The following KCNIP4 variants were observed in gnomAD, a reference collection of about 807,000 sequenced individuals.
KCNIP4 encodes Kv channel-interacting protein 4.
KCNIP4 carries 12 observed loss-of-function variants against 34.0 expected under a neutral mutation model. The ratio of observed to expected loss-of-function variants is 0.35; its 90% CI spans 0.23 to 0.57. The LOEUF (loss-of-function observed/expected upper bound fraction) is 0.57, where lower values mean the gene tolerates loss of function less well. KCNIP4 is among the 20% of genes least tolerant of loss of function. The pLI, the probability that KCNIP4 is intolerant of heterozygous loss-of-function variation, is 0.83. For synonymous variants in KCNIP4, 124 were observed against 102.2 expected (o/e 1.21, Z -1.29); for missense variants, 238 against 311.7 (o/e 0.76, Z 1.78).
chr4:21,221,232 A>G (rs1408460992), intron 1 of KCNIP4, among the ~76,000 whole-genome samples: 5 of 152,162 alleles, frequency 3.3e-5, no homozygotes, highest in Admixed American at 2.6e-4. Context: ...TACTCAAACT[A>G]CTAACCTCAC....
At chr4:21,271,547 T>A (rs1218705172) in intron 1 of KCNIP4, among the ~76,000 whole-genome samples, 1 of 152,108 alleles carries the variant, frequency 6.6e-6, no homozygotes, top group Non-Finnish European at 1.5e-5. Flanking sequence ...ATTTTACTAA[T>A]GTTGTCCAAA....
chr4:21,274,235 G>A (rs1762312128), intron 1 of KCNIP4, among the ~76,000 whole-genome samples: 1 of 152,164 alleles, frequency 6.6e-6, no homozygotes, highest in East Asian at 1.9e-4. Context: ...CCATGCCTGT[G>A]TGTGAGAATT....
chr4:21,303,750 G>A, intron 1 of KCNIP4: 1 of 1,400,926 alleles, frequency 7.1e-7, no homozygotes, highest in Non-Finnish European at 1.0e-6. Context: ...ATTCACCTAA[G>A]ACATTTTCAT....
At chr4:21,092,451 A>G (rs1021837792) in intron 1 of KCNIP4, among the ~76,000 whole-genome samples, 1 of 152,164 alleles carries the variant, frequency 6.6e-6, no homozygotes, top group African/African-American at 2.4e-5. Flanking sequence ...AGAGTGGTCA[A>G]TATTGCTTTT....
At chr4:21,088,556 A>T (rs1746676079) in intron 1 of KCNIP4, among the ~76,000 whole-genome samples, 1 of 152,108 alleles carries the variant, frequency 6.6e-6, no homozygotes, top group Admixed American at 6.5e-5. Context: ...AAGACCCAGC[A>T]ATATCTGGGC....
At chr4:21,465,357 T>C (rs545441153) in intron 1 of KCNIP4, among the ~76,000 whole-genome samples, 1 of 152,228 alleles carries the variant, frequency 6.6e-6, no homozygotes, top group East Asian at 1.9e-4. Context: ...CAATGCTGGA[T>C]TATGAATGCT....
chr4:21,071,904 G>T (rs997491861), intron 1 of KCNIP4, among the ~76,000 whole-genome samples: 4 of 151,948 alleles, frequency 2.6e-5, no homozygotes, highest in African/African-American at 9.7e-5. Context: ...TTGGTTTTTT[G>T]TCCTTGCGAT....
chr4:20,744,063 A>G (rs1327752460), intron 5 of KCNIP4, among the ~76,000 whole-genome samples: 2 of 152,218 alleles, frequency 1.3e-5, no homozygotes, highest in East Asian at 3.8e-4. Context: ...CCACAATGAG[A>G]TACCATCTCA....
chr4:21,758,460 T>C (rs922988067), intron 1 of KCNIP4, among the ~76,000 whole-genome samples: 8 of 152,220 alleles, frequency 5.3e-5, no homozygotes, highest in Non-Finnish European at 1.2e-4. Context: ...GCAGACTTTC[T>C]GCAGGACTTT....
intron 5 of KCNIP4, among the ~76,000 whole-genome samples, chr4:20,739,257 G>T (rs1385478919): frequency 6.6e-6 from 1 of 152,200 alleles, no homozygotes; most frequent in Non-Finnish European, 1.5e-5. Context: ...TGGAGTTTGA[G>T]ATCTGAGAAC....
intron 1 of KCNIP4, among the ~76,000 whole-genome samples, chr4:21,108,119 C>T (rs1748757562): frequency 6.6e-6 from 1 of 151,396 alleles, no homozygotes; most frequent in African/African-American, 2.5e-5. Flanking sequence ...GTGGCGTTCT[C>T]TGTATTTCCT....
intron 1 of KCNIP4, among the ~76,000 whole-genome samples, chr4:21,830,116 G>A (rs1722892050): frequency 6.6e-6 from 1 of 152,060 alleles, no homozygotes; most frequent in African/African-American, 2.4e-5. Context: ...CTTCATCTTT[G>A]AGGAAACACA....
intron 1 of KCNIP4, chr4:21,303,901 G>A (rs543182795): frequency 1.1e-4 from 178 of 1,613,982 alleles, no homozygotes; most frequent in Middle Eastern, 8.2e-4. Flanking sequence ...GCCCTTCCAA[G>A]TTCATGGTCA....
chr4:21,919,039 A>G (rs1336657222), intron 1 of KCNIP4, among the ~76,000 whole-genome samples: 1 of 152,182 alleles, frequency 6.6e-6, no homozygotes, highest in Admixed American at 6.5e-5. Flanking sequence ...GCCAAAGGGG[A>G]TGATGAACAA....
intron 1 of KCNIP4, among the ~76,000 whole-genome samples, chr4:21,118,334 C>T (rs913331569): frequency 2.0e-5 from 3 of 152,150 alleles, no homozygotes; most frequent in Non-Finnish European, 2.9e-5. Context: ...TAACAACCAG[C>T]GTCCCTGACT....
chr4:21,320,674 C>T (rs774395266), intron 1 of KCNIP4, among the ~76,000 whole-genome samples: 31 of 152,116 alleles, frequency 2.0e-4, no homozygotes, highest in Middle Eastern at 6.8e-3. Flanking sequence ...TGAGATATGA[C>T]AGTATTGATT....
chr4:21,091,930 C>A (rs1747032725), intron 1 of KCNIP4, among the ~76,000 whole-genome samples: 1 of 152,042 alleles, frequency 6.6e-6, no homozygotes, highest in African/African-American at 2.4e-5. Flanking sequence ...TCCATAAGAC[C>A]ATGAAAAATA....
intron 1 of KCNIP4, among the ~76,000 whole-genome samples, chr4:21,651,291 C>T (rs1267053697): frequency 6.6e-6 from 1 of 152,068 alleles, no homozygotes; most frequent in Non-Finnish European, 1.5e-5. Context: ...AGGCCTGAGG[C>T]AAGGCAAGTA....
At chr4:20,865,905 G>GT (rs1452963766) in intron 2 of KCNIP4, among the ~76,000 whole-genome samples, 1 of 151,970 alleles carries the variant, frequency 6.6e-6, no homozygotes, top group Non-Finnish European at 1.5e-5. Flanking sequence ...CTTGACTACA[G>GT]TAAGTGTTTC....
Sources: gnomAD v4.1 joint callset for allele counts (sites outside exome capture counted in the v4.1 genomes callset) on GRCh38, gnomAD v4.1.1 for gene constraint, MANE v1.5 for transcripts, NCBI Gene and HGNC (gene_info 2026-07-23, HGNC 2026-07-21) for gene names.